Variants in GRID2 observed in about 807,000 individuals in gnomAD.
GRID2 encodes the protein glutamate receptor ionotropic, delta-2.
In GRID2, 33 loss-of-function variants were observed where a neutral mutation model predicts 114.8. The ratio of observed to expected loss-of-function variants is 0.29; its 90% CI spans 0.22 to 0.38. The LOEUF (loss-of-function observed/expected upper bound fraction) is 0.38, where lower values mean the gene tolerates loss of function less well. Ranked by LOEUF, GRID2 falls within the 10% of genes least tolerant of loss-of-function variation. The pLI, the probability that GRID2 is intolerant of heterozygous loss-of-function variation, is 1.00. For synonymous variants in GRID2, 505 were observed against 449.9 expected (o/e 1.12, Z -1.55); for missense variants, 1,184 against 1,257.7 (o/e 0.94, Z 0.89).
chr4:93,690,522 A>G (rs1726466622), intron 14 of GRID2, among the ~76,000 whole-genome samples: 1 of 151,976 alleles, frequency 6.6e-6, no homozygotes, highest in Non-Finnish European at 1.5e-5. Context: ...AACATTTTGA[A>G]GCCTTTTGAT....
intron 4 of GRID2, among the ~76,000 whole-genome samples, chr4:93,134,607 A>G (rs112924152): frequency 0.04 from 6,140 of 152,292 alleles, 165 homozygotes; most frequent in Non-Finnish European, 0.06. Flanking sequence ...TGCTATGCTC[A>G]GTTTTATGAA....
intron 2 of GRID2, among the ~76,000 whole-genome samples, chr4:92,637,766 A>G (rs1209974108): frequency 6.6e-6 from 1 of 151,940 alleles, no homozygotes; most frequent in Admixed American, 6.6e-5. Context: ...CTTTTATTCT[A>G]ACATTAGTAG....
chr4:93,138,615 A>G (rs1034764061), intron 4 of GRID2, among the ~76,000 whole-genome samples: 5 of 152,132 alleles, frequency 3.3e-5, no homozygotes, highest in African/African-American at 1.2e-4. Context: ...CCAGTCATTC[A>G]ATTTTTCAGG....
At chr4:92,552,017 G>A (rs1726617176) in intron 1 of GRID2, among the ~76,000 whole-genome samples, 1 of 152,040 alleles carries the variant, frequency 6.6e-6, no homozygotes, top group South Asian at 2.1e-4. Flanking sequence ...AGTATTAGAG[G>A]AACAGTGACA....
intron 1 of GRID2, among the ~76,000 whole-genome samples, chr4:92,487,872 C>A (rs1722970201): frequency 6.6e-6 from 1 of 152,092 alleles, no homozygotes; most frequent in African/African-American, 2.4e-5. Context: ...AATTCTTGAT[C>A]ATTTTCTGTC....
intron 1 of GRID2, among the ~76,000 whole-genome samples, chr4:92,359,553 A>G (rs964137018): frequency 6.6e-6 from 1 of 152,010 alleles, no homozygotes; most frequent in African/African-American, 2.4e-5. Context: ...GTTTGCATTT[A>G]CTAAACATGT....
At chr4:93,345,364 A>AC (rs1319948293) in intron 8 of GRID2, among the ~76,000 whole-genome samples, 1 of 152,070 alleles carries the variant, frequency 6.6e-6, no homozygotes, top group Non-Finnish European at 1.5e-5. Flanking sequence ...GTGATGTATC[A>AC]CTGTGGTTTT....
At chr4:93,538,222 T>A (rs1732292399) in intron 13 of GRID2, among the ~76,000 whole-genome samples, 1 of 151,044 alleles carries the variant, frequency 6.6e-6, no homozygotes, top group Non-Finnish European at 1.5e-5. Flanking sequence ...TTCCAGAAAA[T>A]AAGAAAGTGC....
In GRID2 at chr4:93,589,428, A is replaced by C. The variant is rs562983807; in HGVS notation, c.2194-36841A>C. On this transcript the variant is annotated intron_variant, in intron 13 of 15. Coordinates refer to ENST00000282020, the MANE Select transcript of GRID2 (RefSeq NM_001510.4). ...TAGTATTCCATGGTGTATATGTGCC[A>C]CATTTTCTTAATCTAGTCTATCATT... 4.2e-4 allele frequency among the ~76,000 whole-genome samples: 64 copies of C among 152,036 alleles called. No homozygotes were observed. The South Asian group carries it at 8.1e-3, about 19-fold the overall frequency.
At chr4:92,413,602 A>G (rs1468988599) in intron 1 of GRID2, among the ~76,000 whole-genome samples, 1 of 152,184 alleles carries the variant, frequency 6.6e-6, no homozygotes, top group Non-Finnish European at 1.5e-5. Flanking sequence ...CCATCATTTA[A>G]TGAGTTTACA....
chr4:93,131,190 T>C (rs1734769678), intron 4 of GRID2, among the ~76,000 whole-genome samples: 1 of 139,432 alleles, frequency 7.2e-6, no homozygotes, highest in Admixed American at 7.6e-5. Context: ...AGTCTCGCTG[T>C]GTCACCAGGC....
chr4:93,528,238 G>A (rs1225610459), intron 13 of GRID2, among the ~76,000 whole-genome samples: 2 of 151,746 alleles, frequency 1.3e-5, no homozygotes, highest in African/African-American at 2.4e-5. Flanking sequence ...GACATGGGTT[G>A]CTTCTACCTT....
chr4:92,888,514 C>G (rs989624762), intron 2 of GRID2, among the ~76,000 whole-genome samples: 1 of 152,018 alleles, frequency 6.6e-6, no homozygotes, highest in Non-Finnish European at 1.5e-5. Flanking sequence ...GAATGTAATA[C>G]TGCCAGTGGT....
intron 13 of GRID2, among the ~76,000 whole-genome samples, chr4:93,595,500 T>C (rs1738988355): frequency 6.6e-6 from 1 of 152,176 alleles, no homozygotes; most frequent in Non-Finnish European, 1.5e-5. Flanking sequence ...TAATACCTAC[T>C]CATGAAGTTA....
intron 8 of GRID2, among the ~76,000 whole-genome samples, chr4:93,280,173 A>G (rs1482813584): frequency 1.3e-5 from 2 of 151,946 alleles, no homozygotes; most frequent in African/African-American, 2.4e-5. Context: ...AAACAAAACA[A>G]TATGGAAATT....
At chr4:93,449,626 C>T (rs1229211129) in intron 10 of GRID2, among the ~76,000 whole-genome samples, 3 of 152,018 alleles carry the variant, frequency 2.0e-5, no homozygotes, top group Non-Finnish European at 4.4e-5. Flanking sequence ...ACCCTATAGA[C>T]AAACGTGGCT....
At chr4:92,557,751 T>TAGTCCAAGGTTTGTACAATC (rs1433342322) in intron 1 of GRID2, among the ~76,000 whole-genome samples, 11 of 152,004 alleles carry the variant, frequency 7.2e-5, no homozygotes. Flanking sequence ...TTGGACATCC[T>TAGTCCAAGGTTTGTACAATC]CTAGTCCTAG....
At chr4:92,475,237 A>G (rs1722247339) in intron 1 of GRID2, among the ~76,000 whole-genome samples, 1 of 151,696 alleles carries the variant, frequency 6.6e-6, no homozygotes, top group Non-Finnish European at 1.5e-5. Flanking sequence ...TGTCCAAAAT[A>G]TCATTGCCAA....
chr4:92,453,891 C>A (rs1721076087), intron 1 of GRID2, among the ~76,000 whole-genome samples: 1 of 152,070 alleles, frequency 6.6e-6, no homozygotes, highest in South Asian at 2.1e-4. Context: ...CTGACTGTTT[C>A]TTTCTTACTG....
Sources: allele counts gnomAD v4.1 joint callset (sites outside exome capture counted in the v4.1 genomes callset), GRCh38; gene constraint gnomAD v4.1.1; transcripts MANE v1.5; gene names NCBI Gene and HGNC (gene_info 2026-07-23, HGNC 2026-07-21).